SEMA6D: variants seen among roughly 807,000 people sequenced by gnomAD.
SEMA6D encodes semaphorin-6D.
SEMA6D carries 35 observed loss-of-function variants against 106.6 expected under a neutral mutation model. The observed-to-expected ratio is 0.33, with a 90% CI of 0.25 to 0.44. The LOEUF is 0.44. Ranked by LOEUF, SEMA6D falls within the 20% of genes least tolerant of loss-of-function variation. The pLI is 1.00. For missense variants in SEMA6D, 1,185 were observed against 1,345.9 expected, an observed-to-expected ratio of 0.88 and a Z score of 1.87; for synonymous variants, 499 against 487.7, an observed-to-expected ratio of 1.02 and a Z score of -0.31.
At chr15:47,410,189 GC>G (rs1361772650) in intron 1 of SEMA6D, among the ~76,000 whole-genome samples, 2 of 150,980 alleles carry the variant, frequency 1.3e-5, no homozygotes, top group African/African-American at 4.9e-5. Context: ...TCTCCATGTT[GC>G]CCAAGCTGGT....
intron 1 of SEMA6D, among the ~76,000 whole-genome samples, chr15:47,306,548 C>G (rs1269241450): frequency 6.6e-6 from 1 of 152,006 alleles, no homozygotes. Context: ...ATGGCAAAAC[C>G]CTGTCTCTAC....
intron 1 of SEMA6D, among the ~76,000 whole-genome samples, chr15:47,270,310 T>C (rs2142243779): frequency 6.6e-6 from 1 of 151,620 alleles, no homozygotes; most frequent in South Asian, 2.1e-4. Context: ...TTAATATTCA[T>C]ATATTGACCT....
intron 3 of SEMA6D, among the ~76,000 whole-genome samples, chr15:47,488,433 G>A (rs1483503541): frequency 6.6e-6 from 1 of 151,250 alleles, no homozygotes; most frequent in Admixed American, 6.6e-5. Context: ...TAACACTCTT[G>A]GAGATCTTTT....
intron 4 of SEMA6D, among the ~76,000 whole-genome samples, chr15:47,646,956 A>G (rs2077592733): frequency 6.6e-6 from 1 of 152,232 alleles, no homozygotes; most frequent in Admixed American, 6.5e-5. Flanking sequence ...ATAATCAAGC[A>G]TAACTGTGGT....
At chr15:47,631,473 A>T (rs2077291763) in intron 4 of SEMA6D, among the ~76,000 whole-genome samples, 1 of 152,066 alleles carries the variant, frequency 6.6e-6, no homozygotes, top group South Asian at 2.1e-4. Context: ...AAATGAAAGA[A>T]AAAGGAAAAA....
intron 4 of SEMA6D, among the ~76,000 whole-genome samples, chr15:47,612,254 T>C (rs978640847): frequency 5.3e-5 from 8 of 152,176 alleles, no homozygotes; most frequent in Non-Finnish European, 1.2e-4. Flanking sequence ...GAATTGAGCC[T>C]GCAGTTTGGT....
chr15:47,376,584 C>T (rs927648917), intron 1 of SEMA6D, among the ~76,000 whole-genome samples: 1 of 152,168 alleles, frequency 6.6e-6, no homozygotes, highest in Admixed American at 6.5e-5. Flanking sequence ...TTTTGTAAAC[C>T]CAGACTGTTC....
rs189159029 is a variant in SEMA6D, at chr15:47,311,944, C to T, written c.-238-100449C>T. Among the ~76,000 whole-genome samples, 9 of 152,270 alleles carry T rather than the reference C, an allele frequency of 5.9e-5. No individual in the cohort carries two copies. The East Asian group carries it at 1.7e-3, about 29-fold the overall frequency. On this transcript the variant is annotated intron_variant, in intron 1 of 19. Coordinates refer to the SEMA6D transcript ENST00000558014. ...TTTCCTGAAGCTCTGTGTAAGGAGA[C>T]TTTCCAGTTTGCCATCTTCAGCAGT...
At chr15:47,305,100 C>T (rs915730166) in intron 1 of SEMA6D, among the ~76,000 whole-genome samples, 2 of 152,164 alleles carry the variant, frequency 1.3e-5, no homozygotes, top group African/African-American at 4.8e-5. Flanking sequence ...GTTCACGGGC[C>T]TCTCTCCAGA....
chr15:47,312,988 AG>A (rs1478232500), intron 1 of SEMA6D, among the ~76,000 whole-genome samples: 1 of 152,230 alleles, frequency 6.6e-6, no homozygotes, highest in East Asian at 1.9e-4. Context: ...GAGCAGTTTT[AG>A]GTTCACAGCA....
Position 47,225,000 on chromosome 15 carries a change from C to T in SEMA6D, c.-239+40582C>T, listed in dbSNP as rs948190617. Among the ~76,000 whole-genome samples the T allele has an allele frequency of 1.3e-5, 2 of 151,796 alleles. 1 individual carries two copies. The highest frequency in any genetic ancestry group is 4.1e-4 in the South Asian group (2 of 4,822). On this transcript the variant is annotated intron_variant, in intron 1 of 19. Transcript: ENST00000558014. Reference sequence around the variant, plus strand: ...GGTCACGAATACCCACTTTTTTCCTCCCTGTTGCACCCTGGAGAGCCCCTG... The same window carrying T: ...GGTCACGAATACCCACTTTTTTCCTTCCTGTTGCACCCTGGAGAGCCCCTG...
rs1469650497 is a variant in SEMA6D at position 47,768,758 on chromosome 15, C to T, written c.1933+10C>T. 2.5e-6 allele frequency: 4 copies of T among 1,607,634 alleles called. No homozygotes were observed. The highest frequency in any genetic ancestry group is 2.2e-5 in the South Asian group (2 of 90,192). ...TCGGGTATCCCAAAGGGTAAGGCCT[C>T]AGCAGGGACCTCATCTCTAACTGCG... On this transcript the variant is annotated intron_variant, in intron 18 of 18. Coordinates refer to ENST00000536845, the MANE Select transcript of SEMA6D (RefSeq NM_001358351.3).
At chr15:47,585,884 C>T (rs767534343) in intron 3 of SEMA6D, among the ~76,000 whole-genome samples, 1 of 152,198 alleles carries the variant, frequency 6.6e-6, no homozygotes, top group Non-Finnish European at 1.5e-5. Context: ...CACCAGCCTG[C>T]AGCCCTAACC....
intron 3 of SEMA6D, among the ~76,000 whole-genome samples, chr15:47,511,631 T>A (rs2044233225): frequency 6.6e-6 from 1 of 152,178 alleles, no homozygotes. Flanking sequence ...TGTGACTCAT[T>A]AAGACAATAA....
At chr15:47,594,030 A>G (rs1394046173) in intron 3 of SEMA6D, among the ~76,000 whole-genome samples, 3 of 152,218 alleles carry the variant, frequency 2.0e-5, no homozygotes, top group African/African-American at 7.2e-5. Context: ...AACCGTATCA[A>G]ATGTCATCAC....
intron 2 of SEMA6D, among the ~76,000 whole-genome samples, chr15:47,432,835 CAT>C (rs1293839721): frequency 5.9e-5 from 9 of 152,112 alleles, no homozygotes; most frequent in African/African-American, 1.7e-4. Context: ...AAATGTATGT[CAT>C]TTTTGCTTTG....
chr15:47,509,711 G>A (rs1322003220), intron 3 of SEMA6D, among the ~76,000 whole-genome samples: 1 of 152,170 alleles, frequency 6.6e-6, no homozygotes, highest in Non-Finnish European at 1.5e-5. Flanking sequence ...CTGCTGAAAT[G>A]CTGTTTATTA....
intron 1 of SEMA6D, among the ~76,000 whole-genome samples, chr15:47,374,809 T>C (rs1304518751): frequency 6.6e-6 from 1 of 152,126 alleles, no homozygotes. Flanking sequence ...GAACCAGATA[T>C]AGAAACATCT....
At chr15:47,679,096 C>A (rs2078298789) in intron 4 of SEMA6D, among the ~76,000 whole-genome samples, 1 of 152,170 alleles carries the variant, frequency 6.6e-6, no homozygotes, top group Non-Finnish European at 1.5e-5. Flanking sequence ...TGTATTCATG[C>A]ACATAGAATT....
Sources: allele counts gnomAD v4.1 joint callset (sites outside exome capture counted in the v4.1 genomes callset), GRCh38; gene constraint gnomAD v4.1.1; transcripts MANE v1.5; gene names NCBI Gene and HGNC (gene_info 2026-07-23, HGNC 2026-07-21).